Variants in GPSM2 observed in about 807,000 individuals in gnomAD.
The protein encoded by GPSM2 is G protein-signaling modulator 2.
A neutral mutation model predicts 78.4 loss-of-function variants in GPSM2; 58 were observed. The ratio of observed to expected loss-of-function variants is 0.74; its 90% CI spans 0.60 to 0.92. The LOEUF (loss-of-function observed/expected upper bound fraction) is 0.92, where lower values mean the gene tolerates loss of function less well. Ranked by LOEUF, GPSM2 falls within the 40% of genes least tolerant of loss-of-function variation. GPSM2 has a pLI of 0.00. For synonymous variants in GPSM2, 224 were observed against 280.2 expected (o/e 0.80, Z 2.00); for missense variants, 700 against 815.5 (o/e 0.86, Z 1.73).
chr1:108,907,684 A>C (rs1649351214), intron 10 of GPSM2, among the ~76,000 whole-genome samples: 1 of 152,254 alleles, frequency 6.6e-6, no homozygotes, highest in African/African-American at 2.4e-5. Flanking sequence ...TATGCCAGGC[A>C]CTGATTTAAG....
intron 8 of GPSM2, 46 bp from the exon 9 acceptor site, chr1:108,903,080 G>A (rs1237811628): frequency 1.1e-5 from 12 of 1,099,880 alleles, no homozygotes; most frequent in Non-Finnish European, 1.7e-5. Flanking sequence ...CTATACATAG[G>A]ACCTCTTTTC....
chr1:108,929,801 A>G lies in GPSM2; in HGVS notation c.1916A>G (p.Gln639Arg). Residue 639 changes from glutamine to arginine, a missense_variant, in exon 15 of 15, where the codon CAG becomes CGG. Transcript: ENST00000264126. The part of the protein sequence containing the change: ...EDFFSLILRS[Q>R]GKRMDEQRVL... ...TTTTTCAGCCTTATTTTACGGTCCCAGGGAAAGAGAATGGATGAACAGAGA... is the reference window on the plus strand; with the variant it reads ...TTTTTCAGCCTTATTTTACGGTCCCGGGGAAAGAGAATGGATGAACAGAGA... 2 of 1,614,140 alleles carry G rather than the reference A, an allele frequency of 1.2e-6. No homozygotes were observed. The highest frequency in any genetic ancestry group is 1.7e-6 in the Non-Finnish European group (2 of 1,179,956).
intron 14 of GPSM2, among the ~76,000 whole-genome samples, chr1:108,928,966 A>G (rs1386338738): frequency 2.7e-5 from 4 of 149,202 alleles, no homozygotes; most frequent in Non-Finnish European, 5.9e-5. Flanking sequence ...TCCTGCCTGG[A>G]TGACAGAGCG....
At chr1:108,903,686 T>C (rs993791558) in intron 9 of GPSM2, among the ~76,000 whole-genome samples, 2 of 152,178 alleles carry the variant, frequency 1.3e-5, no homozygotes, top group African/African-American at 4.8e-5. Context: ...TTATAACGAT[T>C]AGAGCTAATG....
intron 1 of GPSM2, among the ~76,000 whole-genome samples, chr1:108,880,033 C>A (rs771484135): frequency 2.6e-5 from 4 of 152,162 alleles, no homozygotes; most frequent in Non-Finnish European, 5.9e-5. Context: ...CTAATAAGAT[C>A]TACCCATCCT....
chr1:108,912,027 C>T (rs553364807), intron 10 of GPSM2, among the ~76,000 whole-genome samples: 84 of 151,944 alleles, frequency 5.5e-4, no homozygotes, highest in Middle Eastern at 3.4e-3. Context: ...AGGCTAGTCT[C>T]GAACTTATGA....
intron 1 of GPSM2, among the ~76,000 whole-genome samples, chr1:108,880,793 A>T (rs1665856318): frequency 6.6e-6 from 1 of 152,234 alleles, no homozygotes; most frequent in Non-Finnish European, 1.5e-5. Context: ...TTGTCTGATG[A>T]ATGTTACCAG....
intron 10 of GPSM2, among the ~76,000 whole-genome samples, chr1:108,906,615 G>A (rs1377570473): frequency 2.1e-5 from 3 of 143,894 alleles, no homozygotes; most frequent in Admixed American, 7.3e-5. Flanking sequence ...AGTGGCTCAC[G>A]CCTGTAATCC....
At position 108,929,748 on chromosome 1, in the gene GPSM2, A is replaced by G. The variant is rs1206854575; in HGVS notation, c.1863A>G (p.Thr621=). Residue 621 remains threonine, a synonymous_variant, in exon 15 of 15, where the codon ACA becomes ACG. Coordinates refer to ENST00000264126, the MANE Select transcript of GPSM2 (RefSeq NM_013296.5). Reference sequence around the variant, plus strand: ...GATGTGCTCCACCACCTGCTACCACAAAGGGTCCGACAGTACCAGATGAAG... The same window carrying G: ...GATGTGCTCCACCACCTGCTACCACGAAGGGTCCGACAGTACCAGATGAAG... ...DQRCAPPPAT[T]KGPTVPDEDF... The G allele has an allele frequency of 2.5e-6, 4 of 1,613,432 alleles. No homozygotes were observed. In the South Asian group the frequency reaches 3.3e-5, roughly 13 times the overall value.
At chr1:108,922,744 C>T (rs571001003) in intron 13 of GPSM2, among the ~76,000 whole-genome samples, 168 bp downstream of exon 13, 1 of 152,168 alleles carries the variant, frequency 6.6e-6, no homozygotes, top group African/African-American at 2.4e-5. Flanking sequence ...TTTTCAGTTC[C>T]CTTACGTATA....
chr1:108,899,492 C>G (rs1452698560), intron 7 of GPSM2, among the ~76,000 whole-genome samples: 3 of 152,178 alleles, frequency 2.0e-5, no homozygotes, highest in Non-Finnish European at 2.9e-5. Flanking sequence ...GAGCAGTTCT[C>G]CCTTTACCCT....
chr1:108,916,003 A>C (rs570193751), intron 11 of GPSM2, among the ~76,000 whole-genome samples: 1 of 149,946 alleles, frequency 6.7e-6, no homozygotes, highest in Non-Finnish European at 1.5e-5. Flanking sequence ...GCACTTTGGG[A>C]GGCTGAGGCA....
intron 11 of GPSM2, among the ~76,000 whole-genome samples, chr1:108,915,265 G>A (rs547721785): frequency 2.8e-4 from 42 of 149,714 alleles, no homozygotes; most frequent in African/African-American, 9.1e-4. Flanking sequence ...CAGCTACTCG[G>A]GAGGCTGAGG....
chr1:108,915,130 T>G (rs1024721507), intron 11 of GPSM2, among the ~76,000 whole-genome samples: 1 of 152,008 alleles, frequency 6.6e-6, no homozygotes, highest in Non-Finnish European at 1.5e-5. Flanking sequence ...CCCAGCACTT[T>G]GGGAGGCCGA....
chr1:108,914,027 CTG>C (rs1649981241), intron 10 of GPSM2, among the ~76,000 whole-genome samples: 1 of 152,166 alleles, frequency 6.6e-6, no homozygotes, highest in Non-Finnish European at 1.5e-5. Flanking sequence ...ATTTTTGAAA[CTG>C]TGTGGATAGT....
chr1:108,897,395 C>A, intron 3 of GPSM2, 97 bp from the exon 4 acceptor site: 1 of 1,203,138 alleles, frequency 8.3e-7, no homozygotes, highest in Non-Finnish European at 1.2e-6. Flanking sequence ...GTCAGTTTGT[C>A]CTCTTGGAAA....
intron 2 of GPSM2, among the ~76,000 whole-genome samples, chr1:108,887,310 A>G (rs1647638525): frequency 6.6e-6 from 1 of 151,928 alleles, no homozygotes; most frequent in Admixed American, 6.6e-5. Flanking sequence ...AACAGACACA[A>G]CTCTCTAAAA....
At chr1:108,886,659 C>A (rs1483130050) in intron 2 of GPSM2, among the ~76,000 whole-genome samples, 1 of 152,186 alleles carries the variant, frequency 6.6e-6, no homozygotes, top group African/African-American at 2.4e-5. Context: ...TTGGCTACAC[C>A]TTATATATAA....
At chr1:108,910,111 G>A (rs1649613416) in intron 10 of GPSM2, 1 of 151,946 alleles carries the variant, frequency 6.6e-6, no homozygotes, top group Non-Finnish European at 1.5e-5. Flanking sequence ...CAGAAAGAGG[G>A]CATAATAAAT....
Sources: gnomAD v4.1 joint callset for allele counts (sites outside exome capture counted in the v4.1 genomes callset) on GRCh38, gnomAD v4.1.1 for gene constraint, MANE v1.5 for transcripts, NCBI Gene and HGNC (gene_info 2026-07-23, HGNC 2026-07-21) for gene names.